PI4KA: variants seen among roughly 807,000 people sequenced by gnomAD.
PI4KA encodes the protein PI4-kinase alpha.
PI4KA carries 122 observed loss-of-function variants against 271.4 expected under a neutral mutation model. The ratio of observed to expected loss-of-function variants is 0.45; its 90% CI spans 0.39 to 0.52. PI4KA has a LOEUF of 0.52. Ranked by LOEUF, PI4KA falls within the 20% of genes least tolerant of loss-of-function variation. The probability of loss-of-function intolerance (pLI) is 0.00; values close to 1 mark genes in which losing one functional copy is unlikely to be tolerated. For missense variants in PI4KA, 1,969 were observed against 2,769.1 expected (o/e 0.71, Z 6.48); for synonymous variants, 1,041 against 1,078.8 (o/e 0.96, Z 0.69).
chr22:20,709,491 G>A, intron 53 of PI4KA, 112 bp from the exon 54 acceptor site: 7 of 750,732 alleles, frequency 9.3e-6, no homozygotes, highest in South Asian at 5.9e-5. Context: ...CCACGCCCTG[G>A]AAATGTACCT....
intron 18 of PI4KA, among the ~76,000 whole-genome samples, chr22:20,793,814 C>T (rs912834349): frequency 5.3e-5 from 8 of 152,248 alleles, no homozygotes; most frequent in Admixed American, 4.6e-4. Flanking sequence ...AAGATAGACT[C>T]TCTGGCTAGA....
At chr22:20,790,719 C>T (rs1024056536) in intron 19 of PI4KA, among the ~76,000 whole-genome samples, 4 of 150,862 alleles carry the variant, frequency 2.7e-5, no homozygotes, top group Non-Finnish European at 4.4e-5. Context: ...CACACACACA[C>T]ACACACACAC....
At chr22:20,762,395 A>G (rs1172436807) in intron 22 of PI4KA, among the ~76,000 whole-genome samples, 1 of 152,236 alleles carries the variant, frequency 6.6e-6, no homozygotes, top group Admixed American at 6.5e-5. Context: ...AACCTGAGCC[A>G]GGTTCCTGAA....
intron 23 of PI4KA, among the ~76,000 whole-genome samples, chr22:20,760,411 C>T (rs989139727): frequency 5.3e-5 from 8 of 152,170 alleles, no homozygotes; most frequent in Non-Finnish European, 8.8e-5. Flanking sequence ...AGTGCTTATA[C>T]GCAGCATTTA....
chr22:20,846,406 A>G (rs1926264154), intron 1 of PI4KA, among the ~76,000 whole-genome samples: 1 of 151,834 alleles, frequency 6.6e-6, no homozygotes, highest in Non-Finnish European at 1.5e-5. Flanking sequence ...AAAAATAATA[A>G]AGAAAAACAC....
chr22:20,741,871 C>T (rs1433485078), intron 32 of PI4KA, among the ~76,000 whole-genome samples: 1 of 152,194 alleles, frequency 6.6e-6, no homozygotes, highest in East Asian at 1.9e-4. Flanking sequence ...GGAAAGGGGG[C>T]TGATCCCAAG....
At chr22:20,769,193 C>T (rs1932767334) in intron 19 of PI4KA, among the ~76,000 whole-genome samples, 1 of 152,176 alleles carries the variant, frequency 6.6e-6, no homozygotes, top group Non-Finnish European at 1.5e-5. Context: ...AGTAAGTGGA[C>T]TCTATCTTTG....
At chr22:20,796,796 T>C (rs1283464504) in intron 17 of PI4KA, among the ~76,000 whole-genome samples, 2 of 152,248 alleles carry the variant, frequency 1.3e-5, no homozygotes, top group Admixed American at 1.3e-4. Context: ...GATGTCAGTA[T>C]TTTTTCACAT....
In PI4KA at chr22:20,764,726, T is replaced by G. The variant is rs966828169; in HGVS notation, c.2708+91A>C. 6 of 1,348,832 alleles carry G rather than the reference T, an allele frequency of 4.4e-6. No individual in the cohort carries two copies. In the East Asian group the frequency reaches 1.0e-4, roughly 23 times the overall value. The allele number at this position is 1,348,832 out of a possible 1,614,324, so 83.6% of individuals were successfully genotyped here. Reference sequence around the variant, plus strand: ...GAAAGTTTGCATGTCTTGGGAGAAGTTGAAAAAAGTCTCATGCTTACGAGG... The same window carrying G: ...GAAAGTTTGCATGTCTTGGGAGAAGGTGAAAAAAGTCTCATGCTTACGAGG... On this transcript the variant is annotated intron_variant, in intron 22 of 54. Transcript: ENST00000255882.
chr22:20,803,340 T>C lies in PI4KA; in HGVS notation c.1462-20A>G, dbSNP rs1935446753. On this transcript the variant is annotated intron_variant, in intron 12 of 54. Coordinates refer to ENST00000255882, the MANE Select transcript of PI4KA (RefSeq NM_058004.4). ...CAAACCCTGCAACACACCATCAACCTGTCACATGGCCTGTGGTATGGGACC... is the reference window on the plus strand; with the variant it reads ...CAAACCCTGCAACACACCATCAACCCGTCACATGGCCTGTGGTATGGGACC... 1.2e-6 allele frequency: 2 copies of C among 1,613,376 alleles called. No homozygotes were observed. Among genetic ancestry groups the C allele is most frequent in the Non-Finnish European group, 1.7e-6 (2 of 1,179,620 alleles).
At chr22:20,784,207 C>T (rs747817907) in intron 19 of PI4KA, 4 of 1,614,132 alleles carry the variant, frequency 2.5e-6, no homozygotes, top group South Asian at 1.1e-5. Context: ...AACTGACACC[C>T]CGGGTGGTGG....
At chr22:20,761,035 G>A (rs1301178933) in intron 23 of PI4KA, among the ~76,000 whole-genome samples, 1 of 152,190 alleles carries the variant, frequency 6.6e-6, no homozygotes, top group African/African-American at 2.4e-5. Context: ...GCCCATCCGA[G>A]GAGCCCTGGT....
At chr22:20,814,671 C>T (rs1218598828) in intron 7 of PI4KA, among the ~76,000 whole-genome samples, 1 of 151,740 alleles carries the variant, frequency 6.6e-6, no homozygotes, top group Non-Finnish European at 1.5e-5. Flanking sequence ...TTGCTTGAGC[C>T]TGGGAGGTCG....
intron 32 of PI4KA, among the ~76,000 whole-genome samples, chr22:20,741,677 C>G (rs771517184): frequency 1.3e-5 from 2 of 152,178 alleles, no homozygotes; most frequent in African/African-American, 2.4e-5. Context: ...TTTTTGACCA[C>G]TCATTTCAAC....
rs1051184390 is a variant in PI4KA at position 20,838,403 on chromosome 22, T to G, written c.273+212A>C. Among the ~76,000 whole-genome samples, 8 of 152,150 alleles carry G rather than the reference T, an allele frequency of 5.3e-5. No homozygotes were observed. The East Asian group carries it at 1.5e-3, about 29-fold the overall frequency. ...TACACTTTTTTTACAACATAATATA[T>G]GCACACAATTCTAAAAAACTCAAAT... On this transcript the variant is annotated intron_variant, in intron 2 of 54. Transcript: ENST00000255882.
chr22:20,718,550 C>G, intron 44 of PI4KA, 143 bp downstream of exon 44: 1 of 966,786 alleles, frequency 1.0e-6, no homozygotes, highest in Non-Finnish European at 1.6e-6. Context: ...CCATCAGAAC[C>G]ACCAGCGGCC....
chr22:20,727,590 C>T, intron 40 of PI4KA, 184 bp downstream of exon 40: 1 of 680,086 alleles, frequency 1.5e-6, no homozygotes, highest in Non-Finnish European at 2.5e-6. Flanking sequence ...ACATTTTTTT[C>T]TACTGTGAAC....
intron 7 of PI4KA, among the ~76,000 whole-genome samples, chr22:20,814,263 G>A (rs1039488216): frequency 5.3e-5 from 8 of 152,196 alleles, no homozygotes; most frequent in South Asian, 2.1e-4. Context: ...AATACTGTAC[G>A]ATCCCACTTA....
At chr22:20,807,133 TA>T (rs1935699835) in intron 10 of PI4KA, among the ~76,000 whole-genome samples, 1 of 152,170 alleles carries the variant, frequency 6.6e-6, no homozygotes, top group Non-Finnish European at 1.5e-5. Context: ...CCTTAGGAAA[TA>T]AACTCAGCAA....
Sources: allele counts gnomAD v4.1 joint callset (sites outside exome capture counted in the v4.1 genomes callset), GRCh38; gene constraint gnomAD v4.1.1; transcripts MANE v1.5; gene names NCBI Gene and HGNC (gene_info 2026-07-23, HGNC 2026-07-21).